Variants in AGA observed in about 807,000 individuals in gnomAD.
The protein encoded by AGA is aspartylglucosaminidase.
Under a neutral mutation model 40.1 loss-of-function variants are expected in AGA, and 31 were observed. The ratio of observed to expected loss-of-function variants is 0.77; its 90% CI spans 0.58 to 1.04. The LOEUF is 1.04. AGA is among the 50% of genes least tolerant of loss of function. The pLI, the probability that AGA is intolerant of heterozygous loss-of-function variation, is 0.00. For synonymous variants in AGA, 148 were observed against 144.0 expected (o/e 1.03, Z -0.20); for missense variants, 445 against 435.4 (o/e 1.02, Z -0.20).
In AGA at chr4:177,436,678, C is replaced by T. The variant is rs1005444206; in HGVS notation, c.623-327G>A. On this transcript the variant is annotated intron_variant, in intron 5 of 8. Transcript: ENST00000264595. ...AAACAAGCTGTCTCCAAACTCTGAACCTGCCAGCGCCTTGACCTTGAACTT... is the reference window on the plus strand; with the variant it reads ...AAACAAGCTGTCTCCAAACTCTGAATCTGCCAGCGCCTTGACCTTGAACTT... Among the ~76,000 whole-genome samples, 2 of 152,216 alleles carry T rather than the reference C, an allele frequency of 1.3e-5. 1 individual carries two copies. The highest frequency in any genetic ancestry group is 4.1e-4 in the South Asian group (2 of 4,832).
chr4:177,441,239 C>T (rs1244363275), intron 1 of AGA, among the ~76,000 whole-genome samples: 1 of 152,160 alleles, frequency 6.6e-6, no homozygotes, highest in Non-Finnish European at 1.5e-5. Context: ...GAACTGTCCC[C>T]CGCCCAGGCT....
intron 1 of AGA, among the ~76,000 whole-genome samples, chr4:177,441,768 G>A (rs1485133925): frequency 2.0e-5 from 3 of 152,202 alleles, no homozygotes; most frequent in African/African-American, 4.8e-5. Context: ...TGAATTCTAA[G>A]TGGCAGGTAA....
At chr4:177,431,887 G>C in intron 8 of AGA, 79 bp from the exon 9 acceptor site, 1 of 1,198,774 alleles carries the variant, frequency 8.3e-7, no homozygotes, top group Non-Finnish European at 1.2e-6. Flanking sequence ...CTGCTTATTT[G>C]ACTAGACACT....
intron 8 of AGA, 106 bp downstream of exon 8, chr4:177,433,108 T>C (rs1215823561): frequency 6.6e-7 from 1 of 1,507,204 alleles, no homozygotes; most frequent in African/African-American, 1.4e-5. Context: ...TTAAGGAGTC[T>C]CTTTTTCTAT....
chr4:177,440,202 T>A, intron 2 of AGA, 71 bp downstream of exon 2: 1 of 1,568,766 alleles, frequency 6.4e-7, no homozygotes, highest in South Asian at 1.1e-5. Context: ...CATTCTTTCA[T>A]CTTGCTCTCA....
At chr4:177,442,165 C>A in intron 1 of AGA, 84 bp downstream of exon 1, 1 of 1,581,306 alleles carries the variant, frequency 6.3e-7, no homozygotes, top group South Asian at 1.1e-5. Flanking sequence ...TCCGCCCTGC[C>A]GGGTGACTGC....
chr4:177,437,614 A>T (rs996704688), intron 4 of AGA, 95 bp from the exon 5 acceptor site: 8 of 796,384 alleles, frequency 1.0e-5, no homozygotes, highest in Non-Finnish European at 1.5e-5. Context: ...CAAGAAACCA[A>T]AAAAAGACAT....
chr4:177,433,132 T>C (rs1329117413), intron 8 of AGA, 82 bp downstream of exon 8: 2 of 1,577,212 alleles, frequency 1.3e-6, no homozygotes, highest in East Asian at 2.2e-5. Flanking sequence ...ATATAGTGTA[T>C]TGTACAAAAC....
chr4:177,435,918 TACAC>T (rs963121708), intron 6 of AGA, among the ~76,000 whole-genome samples: 3 of 150,112 alleles, frequency 2.0e-5, no homozygotes, highest in African/African-American at 7.4e-5. Flanking sequence ...CATGCACACA[TACAC>T]ACACCCCAGT....
chr4:177,439,283 A>C (rs961057899), intron 3 of AGA, among the ~76,000 whole-genome samples: 6 of 152,152 alleles, frequency 3.9e-5, no homozygotes, highest in African/African-American at 1.4e-4. Context: ...TGGAAGGCTG[A>C]GGTAGGAGAA....
intron 6 of AGA, among the ~76,000 whole-genome samples, chr4:177,435,748 TACAC>T (rs139181250): frequency 6.8e-6 from 1 of 146,222 alleles, no homozygotes; most frequent in African/African-American, 2.5e-5. Context: ...GAGCCCTGAA[TACAC>T]ACACACACAC....
At chr4:177,434,835 A>G (rs1272293445) in intron 6 of AGA, among the ~76,000 whole-genome samples, 1 of 152,044 alleles carries the variant, frequency 6.6e-6, no homozygotes, top group Non-Finnish European at 1.5e-5. Context: ...TAAGTTCCAG[A>G]GGCCTACTGC....
intron 7 of AGA, 97 bp downstream of exon 7, chr4:177,434,285 G>T: frequency 8.9e-7 from 1 of 1,119,474 alleles, no homozygotes; most frequent in Non-Finnish European, 1.4e-6. Flanking sequence ...TTACAGTCGT[G>T]AGCCACTGCA....
rs886059259 is a variant in AGA at position 177,431,028 on chromosome 4, C to G, written c.*680G>C. 1 of 453,874 alleles carries G rather than the reference C, an allele frequency of 2.2e-6. No individual in the cohort carries two copies. 28.1% of individuals were successfully genotyped at this position (453,874 alleles called of 1,614,324 possible). ...CCAAATCATTTTTAAAAGAAACGAT[C>G]AATACTAAATATTAGCAGCTAAAAC... On this transcript the variant is annotated 3_prime_UTR_variant, in exon 9 of 9. Coordinates refer to ENST00000264595, the MANE Select transcript of AGA (RefSeq NM_000027.4).
intron 5 of AGA, 66 bp from the exon 6 acceptor site, chr4:177,436,417 T>TGTAATA: frequency 1.5e-6 from 2 of 1,296,184 alleles, no homozygotes; most frequent in Non-Finnish European, 2.2e-6. Flanking sequence ...ACCAAATAAT[T>TGTAATA]GAGCAACTGG....
In AGA at chr4:177,430,934, C is replaced by G. The variant is rs772303323; in HGVS notation, c.*774G>C. ...ACAAACCAAGCTAAACAACCCATTT[C>G]TTGACTTCTAATTGCCATACCCACC... On this transcript the variant is annotated 3_prime_UTR_variant, in exon 9 of 9. Transcript: ENST00000264595. 2.2e-6 allele frequency: 1 copy of G among 454,038 alleles called. No individual in the cohort carries two copies. Among genetic ancestry groups the G allele is most frequent in the Non-Finnish European group, 4.4e-6 (1 of 226,766 alleles). 28.1% of individuals were successfully genotyped at this position (454,038 alleles called of 1,614,324 possible).
intron 5 of AGA, among the ~76,000 whole-genome samples, chr4:177,436,650 G>C (rs1736831633): frequency 6.6e-6 from 1 of 152,202 alleles, no homozygotes; most frequent in Non-Finnish European, 1.5e-5. Flanking sequence ...CCATGAGCCA[G>C]GAAAACAAGC....
In AGA at chr4:177,436,837, G is replaced by C. The variant is rs377313789; in HGVS notation, c.623-486C>G. Among the ~76,000 whole-genome samples, 4 of 152,302 alleles carry C rather than the reference G, an allele frequency of 2.6e-5. No individual in the cohort carries two copies. The East Asian group carries it at 7.7e-4, about 29-fold the overall frequency. On this transcript the variant is annotated intron_variant, in intron 5 of 8. Coordinates refer to ENST00000264595, the MANE Select transcript of AGA (RefSeq NM_000027.4). ...TTAACAGGTGGGGCCTTTAAGAGGC[G>C]ATTAGGCTAAAAGGGCTTAATGCCA...
At position 177,442,332 on chromosome 4, in the gene AGA, A is replaced by G; in HGVS notation, c.44T>C (p.Leu15Pro). ...SNLPVLLVPF[L>P]LCQALVRCSS... ...GCAGCGCACTAGGGCCTGGCAGAGC[A>G]GAAACGGCACGAGAAGCACAGGCAA... is the stretch of plus-strand genomic sequence containing the variant. Residue 15 changes from leucine to proline, a missense_variant, in exon 1 of 9, where the codon CTG (leucine) becomes CCG (proline). By Grantham distance (98) the Leu-to-Pro change is moderately conservative (BLOSUM62 -3). Coordinates refer to ENST00000264595, the MANE Select transcript of AGA (RefSeq NM_000027.4). The G allele has an allele frequency of 6.2e-7, 1 of 1,614,120 alleles. No homozygotes were observed. Among genetic ancestry groups the G allele is most frequent in the Non-Finnish European group, 8.5e-7 (1 of 1,179,948 alleles).
Sources: gnomAD v4.1 joint callset for allele counts (sites outside exome capture counted in the v4.1 genomes callset) on GRCh38, gnomAD v4.1.1 for gene constraint, MANE v1.5 for transcripts, NCBI Gene and HGNC (gene_info 2026-07-23, HGNC 2026-07-21) for gene names.